SCO1: variants seen among roughly 807,000 people sequenced by gnomAD.
SCO1 encodes the protein cytochrome c oxidase assembly factor SCO1.
Under a neutral mutation model 34.0 loss-of-function variants are expected in SCO1, and 23 were observed. The observed-to-expected ratio is 0.68, with a 90% CI of 0.49 to 0.96. SCO1 has a LOEUF of 0.96. SCO1 is among the 40% of genes least tolerant of loss of function. The pLI, the probability that SCO1 is intolerant of heterozygous loss-of-function variation, is 0.00. For synonymous variants in SCO1, 161 were observed against 145.5 expected (o/e 1.11, Z -0.77); for missense variants, 404 against 381.6 (o/e 1.06, Z -0.49).
intron 2 of SCO1, among the ~76,000 whole-genome samples, chr17:10,694,119 G>A (rs559661218): frequency 5.1e-4 from 78 of 152,276 alleles, no homozygotes; most frequent in African/African-American, 1.8e-3. Context: ...CCAGATGCAC[G>A]GAGAATACAG....
chr17:10,684,081 T>C (rs560225826), intron 5 of SCO1: 5 of 152,350 alleles, frequency 3.3e-5, no homozygotes, highest in East Asian at 3.9e-4. Context: ...ACAGCATGAA[T>C]TCCTCATCGA....
chr17:10,681,002 G>T lies in SCO1; in HGVS notation c.*117C>A. On this transcript the variant is annotated 3_prime_UTR_variant, in exon 6 of 6. Transcript: ENST00000255390. ...CATCCAAAACAGAAATGTTCTCATG[G>T]TATGAAGGCCATTCTGTAGAGTGCA... The T allele has an allele frequency of 1.6e-6, 2 of 1,217,664 alleles. No individual in the cohort carries two copies. Among genetic ancestry groups the T allele is most frequent in the Non-Finnish European group, 2.4e-6 (2 of 824,518 alleles). 75.4% of individuals were successfully genotyped at this position (1,217,664 alleles called of 1,614,324 possible). A position where few individuals can be genotyped will look rare whatever the true frequency, so the allele number is the denominator to read the frequency against.
intron 1 of SCO1, among the ~76,000 whole-genome samples, chr17:10,697,024 G>T (rs1049369205): frequency 4.6e-5 from 7 of 151,914 alleles, no homozygotes; most frequent in African/African-American, 9.7e-5. Flanking sequence ...TGGAGAGGGT[G>T]TAAAGTCTCA....
At position 10,692,889 on chromosome 17, in the gene SCO1, G is replaced by C. The variant is rs765890131; in HGVS notation, c.437C>G (p.Thr146Ser). ...GTCCTTGTCAGTTTTACGCTCCCCAGTATGAGTTGTGAGGGAAAACGGTCC... is the reference window on the plus strand; with the variant it reads ...GTCCTTGTCAGTTTTACGCTCCCCACTATGAGTTGTGAGGGAAAACGGTCC... ...LGGPFSLTTHTGERKTDKDYL... is the reference protein window; with the variant it reads ...LGGPFSLTTHSGERKTDKDYL... Residue 146 changes from threonine to serine, a missense_variant, in exon 3 of 6, where the codon ACT becomes AGT. Thr to Ser is a moderately conservative substitution (Grantham distance 58). Transcript: ENST00000255390. 2 of 1,613,988 alleles carry C rather than the reference G, an allele frequency of 1.2e-6. No individual in the cohort carries two copies. The highest frequency in any genetic ancestry group is 1.1e-5 in the South Asian group (1 of 91,084).
In SCO1 at chr17:10,680,016, A is replaced by G. The variant is rs1158345117; in HGVS notation, c.*1103T>C. 1 of 151,362 alleles carries G rather than the reference A, an allele frequency of 6.6e-6. No homozygotes were observed. The highest frequency in any genetic ancestry group is 1.5e-5 in the Non-Finnish European group (1 of 68,010). The allele number at this position is 151,362 out of a possible 1,614,324, so 9.4% of individuals were successfully genotyped here. On this transcript the variant is annotated 3_prime_UTR_variant, in exon 6 of 6. Transcript: ENST00000255390. ...GGCTTGTCTTGAATACCTAACCTCT[A>G]GCAATCCTCAGGCCCTGGCCTCCCA...
intron 5 of SCO1, chr17:10,683,860 TC>T (rs1289539782): frequency 6.6e-6 from 1 of 152,118 alleles, no homozygotes; most frequent in Admixed American, 6.6e-5. Flanking sequence ...GTTGTTGCTG[TC>T]GTTTGGGATT....
At chr17:10,689,081 A>ACTCCAGCC (rs2074674741) in intron 4 of SCO1, among the ~76,000 whole-genome samples, 1 of 143,392 alleles carries the variant, frequency 7.0e-6, no homozygotes, top group African/African-American at 2.7e-5. Flanking sequence ...CCGCCACTGC[A>ACTCCAGCC]CTCCAGCCTG....
rs2074610498 is a variant in SCO1, at chr17:10,679,973, G to GGGC, written c.*1145_*1146insGCC. On this transcript the variant is annotated 3_prime_UTR_variant, in exon 6 of 6. Transcript: ENST00000255390. ...GTAGAGATGGGGGCGGGGGGGGGGGGTCTCACTATGTTGCCCAGGCTTGTC... is the reference window on the plus strand; with the variant it reads ...GTAGAGATGGGGGCGGGGGGGGGGGGGGCTCTCACTATGTTGCCCAGGCTTGTC... 2.1e-5 allele frequency: 2 copies of GGGC among 94,230 alleles called. No individual in the cohort carries two copies. Among genetic ancestry groups the GGGC allele is most frequent in the Non-Finnish European group, 4.1e-5 (2 of 48,584 alleles). The allele number at this position is 94,230 out of a possible 1,614,324, so 5.8% of individuals were successfully genotyped here.
rs1374903770 is a variant in SCO1, at chr17:10,674,565, T to TA, written c.*6553dup. 6.1e-6 allele frequency: 1 copy of TA among 163,830 alleles called. No individual in the cohort carries two copies. The highest frequency in any genetic ancestry group is 1.3e-5 in the Non-Finnish European group (1 of 75,820). 10.1% of individuals were successfully genotyped at this position (163,830 alleles called of 1,614,324 possible). On this transcript the variant is annotated 3_prime_UTR_variant, in exon 6 of 6. Transcript: ENST00000255390. ...CAGACTACACTGAGTAGCAAGGCTG[T>TA]AGAGGGAGTCTGAGTATTAGCTTTG...
intron 4 of SCO1, among the ~76,000 whole-genome samples, chr17:10,690,876 C>A (rs748600867): frequency 6.6e-5 from 10 of 152,106 alleles, no homozygotes; most frequent in Non-Finnish European, 1.2e-4. Flanking sequence ...GAAATCCTGT[C>A]ATTTGTGGCA....
chr17:10,674,413 C>A lies in SCO1; in HGVS notation c.*6706G>T. The A allele has an allele frequency of 7.1e-6, 2 of 281,260 alleles. No individual in the cohort carries two copies. Among genetic ancestry groups the A allele is most frequent in the South Asian group, 3.2e-5 (1 of 30,944 alleles). 17.4% of individuals were successfully genotyped at this position (281,260 alleles called of 1,614,324 possible). A position where few individuals can be genotyped will look rare whatever the true frequency, so the allele number is the denominator to read the frequency against. ...TGCTCTCCAGCCTAGGCAACAAGAG[C>A]GAAACTCCATCTCAAAACAAACAAA... On this transcript the variant is annotated 3_prime_UTR_variant, in exon 6 of 6. Transcript: ENST00000255390.
intron 5 of SCO1, among the ~76,000 whole-genome samples, chr17:10,682,412 G>A (rs916136753): frequency 6.6e-6 from 1 of 152,122 alleles, no homozygotes; most frequent in East Asian, 1.9e-4. Flanking sequence ...ATAGTTCACC[G>A]CAGGAGCAAG....
At chr17:10,695,642 A>G in intron 2 of SCO1, 99 bp downstream of exon 2, 1 of 870,852 alleles carries the variant, frequency 1.1e-6, no homozygotes, top group Non-Finnish European at 1.9e-6. Context: ...GTAAATCTAA[A>G]GTTGTTTCAA....
Position 10,691,950 on chromosome 17 carries a change from G to C in SCO1, c.577C>G (p.Leu193Val), listed in dbSNP as rs756770512. The change falls in exon 4 of 6, where the codon CTG (leucine) becomes GTG (valine). Residue 193 changes from leucine (L) to valine (V), a missense_variant. Leu to Val is a conservative substitution (Grantham distance 32). Transcript: ENST00000255390. ...ATGAAAAGTGGAGTTAGATCTGGCAGAGTTGTAATGCTATCTGAAAGAGAG... is the reference window on the plus strand; with the variant it reads ...ATGAAAAGTGGAGTTAGATCTGGCACAGTTGTAATGCTATCTGAAAGAGAG... Reference protein sequence around the residue: ...VVDEIDSITTLPDLTPLFISI... With the variant: ...VVDEIDSITTVPDLTPLFISI... The C allele has an allele frequency of 1.2e-6, 2 of 1,611,948 alleles. No individual in the cohort carries two copies. The highest frequency in any genetic ancestry group is 1.7e-6 in the Non-Finnish European group (2 of 1,178,038).
rs2520176 is a variant in SCO1 at position 10,693,216 on chromosome 17, A to G, written c.365-255T>C. Among the ~76,000 whole-genome samples, 5,924 of 152,324 alleles carry G rather than the reference A, an allele frequency of 0.039. 376 individuals are homozygous for G. Among genetic ancestry groups the G allele is most frequent in the African/African-American group, 0.13 (5,349 of 41,552 alleles). On this transcript the variant is annotated intron_variant, in intron 2 of 5. Transcript: ENST00000255390. ...ATTTCTTCTTTTTCAGGAACAATTC[A>G]GTCCTAAGCCATTAGCTGTGTCCAT...
intron 3 of SCO1, 89 bp from the exon 4 acceptor site, chr17:10,692,053 G>A (rs2151456721): frequency 1.1e-6 from 1 of 901,890 alleles, no homozygotes; most frequent in East Asian, 2.4e-5. Context: ...AGGACGTGCT[G>A]GACAGCTAGG....
rs949872762 is a variant in SCO1, at chr17:10,689,082, C to T, written c.656-2240G>A. ...AGTGAGCCGAGATCCCGCCACTGCA[C>T]TCCAGCCTGGGCGACAGAGCGAGAC... On this transcript the variant is annotated intron_variant, in intron 4 of 5. Transcript: ENST00000255390. Among the ~76,000 whole-genome samples, 5 of 123,954 alleles carry T rather than the reference C, an allele frequency of 4.0e-5. 1 individual carries two copies. The highest frequency in any genetic ancestry group is 1.5e-4 in the African/African-American group (4 of 26,054). 81.3% of individuals were successfully genotyped at this position (123,954 alleles called of 152,430 possible).
At chr17:10,681,719 T>C (rs2074623113) in intron 5 of SCO1, among the ~76,000 whole-genome samples, 1 of 152,238 alleles carries the variant, frequency 6.6e-6, no homozygotes, top group Admixed American at 6.5e-5. Context: ...CTGCTTTCTT[T>C]AGTAAGTTCT....
chr17:10,686,342 A>T (rs1313843810), intron 5 of SCO1, among the ~76,000 whole-genome samples: 1 of 152,112 alleles, frequency 6.6e-6, no homozygotes, highest in Non-Finnish European at 1.5e-5. Context: ...TAATCCCAGT[A>T]CTTTGGGAGG....
Sources: gnomAD v4.1 joint callset for allele counts (sites outside exome capture counted in the v4.1 genomes callset) on GRCh38, gnomAD v4.1.1 for gene constraint, MANE v1.5 for transcripts, NCBI Gene and HGNC (gene_info 2026-07-23, HGNC 2026-07-21) for gene names.